The following TSPAN14 variants were observed in gnomAD, a reference collection of about 807,000 sequenced individuals.
TSPAN14 encodes tetraspanin 14, also known as tetraspanin-14.
TSPAN14 carries 16 observed loss-of-function variants against 36.6 expected under a neutral mutation model. That is an observed-to-expected ratio of 0.44 (90% CI 0.30 to 0.66). The LOEUF (loss-of-function observed/expected upper bound fraction) is 0.66, where lower values mean the gene tolerates loss of function less well. Among genes scored for constraint, TSPAN14 ranks in the 30% least tolerant of loss-of-function variants. TSPAN14 has a pLI of 0.12. For missense variants in TSPAN14, 231 were observed against 355.1 expected (o/e 0.65, Z 2.81); for synonymous variants, 139 against 143.8 (o/e 0.97, Z 0.24).
chr10:80,479,250 C>T (rs1487399091), intron 1 of TSPAN14, among the ~76,000 whole-genome samples: 2 of 150,868 alleles, frequency 1.3e-5, no homozygotes, highest in Non-Finnish European at 3.0e-5. Flanking sequence ...GTTGCCTGTT[C>T]ACTCTGATGG....
intron 2 of TSPAN14, among the ~76,000 whole-genome samples, chr10:80,496,547 A>G (rs1419101723): frequency 6.6e-6 from 1 of 152,140 alleles, no homozygotes; most frequent in East Asian, 1.9e-4. Flanking sequence ...CAGATTTGGA[A>G]TATTTTAGCC....
chr10:80,464,109 A>G (rs1217913643), intron 1 of TSPAN14, among the ~76,000 whole-genome samples: 1 of 152,130 alleles, frequency 6.6e-6, no homozygotes, highest in African/African-American at 2.4e-5. Flanking sequence ...TGCAGGACCT[A>G]TGTGGGGTGT....
chr10:80,511,764 CTCTCT>C (rs1840660496), intron 5 of TSPAN14, among the ~76,000 whole-genome samples: 6 of 122,984 alleles, frequency 4.9e-5, no homozygotes, highest in Admixed American at 1.7e-4. Flanking sequence ...CTCTCTCTCT[CTCTCT>C]CTCCCCTTTT....
chr10:80,505,033 C>G (rs1469397852), intron 3 of TSPAN14, among the ~76,000 whole-genome samples: 1 of 152,186 alleles, frequency 6.6e-6, no homozygotes, highest in Non-Finnish European at 1.5e-5. Context: ...TTGTATGCAG[C>G]TGTGCCCAGA....
chr10:80,516,133 A>C, intron 7 of TSPAN14, 71 bp from the exon 8 acceptor site: 2 of 1,607,916 alleles, frequency 1.2e-6, no homozygotes, highest in Non-Finnish European at 1.7e-6. Flanking sequence ...TCCTTACCAG[A>C]GCTCACTAGG....
Position 80,520,059 on chromosome 10 carries a change from T to C in TSPAN14, c.*2083T>C, listed in dbSNP as rs148286418. The C allele has an allele frequency of 8.8e-3, 1,382 of 157,542 alleles. 23 individuals carry two copies. Among genetic ancestry groups the C allele is most frequent in the African/African-American group, 0.032 (1,317 of 41,452 alleles). 9.8% of individuals were successfully genotyped at this position (157,542 alleles called of 1,614,324 possible). ...CATGGGATTGAAGCCTGGGCACTGC[T>C]GCTGCATGAGCTGTGTGTCCTGGGT... On this transcript the variant is annotated 3_prime_UTR_variant, in exon 9 of 9. Coordinates refer to ENST00000429989, the Ensembl canonical transcript of TSPAN14.
chr10:80,510,747 A>G (rs559200783), intron 5 of TSPAN14, among the ~76,000 whole-genome samples: 127 of 151,962 alleles, frequency 8.4e-4, no homozygotes, highest in South Asian at 5.4e-3. Context: ...GGCGGTGGGC[A>G]CCTGTAGTCC....
intron 2 of TSPAN14, among the ~76,000 whole-genome samples, chr10:80,500,911 G>T (rs1848475817): frequency 6.6e-6 from 1 of 152,200 alleles, no homozygotes; most frequent in Admixed American, 6.5e-5. Flanking sequence ...CTGAGGGTGG[G>T]GATATGAACT....
chr10:80,502,712 C>T (rs918708228), intron 2 of TSPAN14, among the ~76,000 whole-genome samples: 1 of 152,024 alleles, frequency 6.6e-6, no homozygotes, highest in Admixed American at 6.6e-5. Flanking sequence ...AGTAAAATAT[C>T]GTTAGCTGTC....
intron 1 of TSPAN14, among the ~76,000 whole-genome samples, chr10:80,470,749 C>T (rs909161077): frequency 1.3e-5 from 2 of 152,242 alleles, no homozygotes; most frequent in Non-Finnish European, 2.9e-5. Context: ...TCACTTGGAA[C>T]ATCTATGGTG....
chr10:80,461,945 A>C, intron 1 of TSPAN14, among the ~76,000 whole-genome samples: 1 of 148,762 alleles, frequency 6.7e-6, no homozygotes, highest in African/African-American at 2.5e-5. Context: ...ACAGGGTCTC[A>C]CTCTGTTGCC....
intron 2 of TSPAN14, among the ~76,000 whole-genome samples, chr10:80,500,055 G>A (rs781398825): frequency 1.3e-4 from 20 of 152,180 alleles, no homozygotes; most frequent in African/African-American, 2.2e-4. Flanking sequence ...GAAGGGTTCC[G>A]TGGGGTGAAG....
intron 1 of TSPAN14, among the ~76,000 whole-genome samples, chr10:80,473,046 A>C (rs577982999): frequency 2.0e-4 from 30 of 152,266 alleles, no homozygotes; most frequent in African/African-American, 5.1e-4. Flanking sequence ...CCACCTGAAG[A>C]TAAAAGTGTC....
At chr10:80,495,388 T>C (rs1393861409) in intron 2 of TSPAN14, among the ~76,000 whole-genome samples, 1 of 151,628 alleles carries the variant, frequency 6.6e-6, no homozygotes, top group Non-Finnish European at 1.5e-5. Context: ...TATGTACATG[T>C]GTGTATTTCA....
At chr10:80,471,385 A>T (rs1190913662) in intron 1 of TSPAN14, among the ~76,000 whole-genome samples, 2 of 152,082 alleles carry the variant, frequency 1.3e-5, no homozygotes, top group African/African-American at 4.8e-5. Flanking sequence ...AGTCCTCCTG[A>T]GGTCTGGAGG....
chr10:80,458,674 T>A (rs1479827336), intron 1 of TSPAN14, among the ~76,000 whole-genome samples: 1 of 152,200 alleles, frequency 6.6e-6, no homozygotes, highest in Non-Finnish European at 1.5e-5. Flanking sequence ...GCGTTTCAGT[T>A]TGCTTATCTT....
At chr10:80,507,587 C>G (rs1212552771) in intron 4 of TSPAN14, among the ~76,000 whole-genome samples, 1 of 152,214 alleles carries the variant, frequency 6.6e-6, no homozygotes, top group South Asian at 2.1e-4. Flanking sequence ...GGTTTTTAGC[C>G]CTGGGTGGGA....
At chr10:80,521,047 A>G (rs1308493434) in exon 9 of TSPAN14, 2 of 324,796 alleles carry the variant, frequency 6.2e-6, no homozygotes, top group African/African-American at 4.3e-5. Context: ...CCCCATGAAT[A>G]ACAATGAAAA....
chr10:80,509,482 C>T lies in TSPAN14; in HGVS notation c.450+11C>T, dbSNP rs10785897. 0.55 allele frequency: 885,621 copies of T among 1,611,820 alleles called. 247,283 individuals are homozygous for T. The highest frequency in any genetic ancestry group is 0.83 in the East Asian group (37,304 of 44,838). The stretch of plus-strand genomic sequence containing the variant: ...TCCCTTCAGAAAGCTGTAAGCACCT[C>T]CCCAGCGGGCCCCCGATAGAGCATG... On this transcript the variant is annotated intron_variant, in intron 5 of 8. Coordinates refer to ENST00000429989, the Ensembl canonical transcript of TSPAN14. This position sits in a 1 kb window ranked among gnomAD's most constrained non-coding sequence, Gnocchi z 4.7.
Sources: gnomAD v4.1 joint callset for allele counts (sites outside exome capture counted in the v4.1 genomes callset) on GRCh38, gnomAD v4.1.1 for gene constraint, Gnocchi (gnomAD v3.1) non-coding constraint, MANE v1.5 for transcripts, NCBI Gene and HGNC (gene_info 2026-07-23, HGNC 2026-07-21) for gene names.